The following MYOM3 variants were observed in gnomAD, a reference collection of about 807,000 sequenced individuals.
MYOM3 encodes the protein myomesin-3.
A neutral mutation model predicts 191.7 loss-of-function variants in MYOM3; 155 were observed. The observed-to-expected ratio is 0.81, with a 90% CI of 0.71 to 0.92. The LOEUF (loss-of-function observed/expected upper bound fraction) is 0.92, where lower values mean the gene tolerates loss of function less well. MYOM3 is among the 40% of genes least tolerant of loss of function. The probability of loss-of-function intolerance (pLI) is 0.00; values close to 1 mark genes in which losing one functional copy is unlikely to be tolerated. For synonymous variants in MYOM3, 757 were observed against 762.9 expected (o/e 0.99, Z 0.13); for missense variants, 1,889 against 1,890.6 (o/e 1.00, Z 0.02).
chr1:24,063,436 G>A lies in MYOM3; in HGVS notation c.3661+56C>T. The A allele has an allele frequency of 6.2e-7, 1 of 1,604,128 alleles. No individual in the cohort carries two copies. The highest frequency in any genetic ancestry group is 8.5e-7 in the Non-Finnish European group (1 of 1,171,028). On this transcript the variant is annotated intron_variant, in intron 31 of 36. Transcript: ENST00000374434. This position sits in a 1 kb window ranked among gnomAD's most constrained non-coding sequence, Gnocchi z 4.5. ...AGCCAAGGCCAGTGTTAGGCTGCTT[G>A]GAGGCTGTTGGGCATCAGGGCAGGG...
rs555822407 is a variant in MYOM3, at chr1:24,064,163, G to T, written c.3535-4C>A. The T allele has an allele frequency of 5.0e-6, 8 of 1,612,296 alleles. No homozygotes were observed. In the African/African-American group the frequency reaches 9.3e-5, roughly 19 times the overall value. ...TTCCCTTGTCCTTTTTGGACAACTG[G>T]AAAGAAGGATGAGCGATGGTGGTGT... On this transcript the variant is annotated splice_region_variant and splice_polypyrimidine_tract_variant and intron_variant, in intron 29 of 36. Transcript: ENST00000374434.
At chr1:24,092,074 G>T in intron 11 of MYOM3, 100 bp downstream of exon 11, 1 of 1,192,986 alleles carries the variant, frequency 8.4e-7, no homozygotes, top group Non-Finnish European at 1.1e-6. Flanking sequence ...GGGTGTGAGG[G>T]TTCTCTGAGG....
rs762543966 is a variant in MYOM3 at position 24,086,699 on chromosome 1, A to G, written c.1743T>C (p.Tyr581=). 4 of 1,613,986 alleles carry G rather than the reference A, an allele frequency of 2.5e-6. No individual in the cohort carries two copies. The highest frequency in any genetic ancestry group is 1.1e-5 in the South Asian group (1 of 91,082). ...YVFRVRAMNQ[Y]GLSDPSEPSE... ...TGGGCTCCGAGGGATCGCTCAGGCC[A>G]TACTGGTTCATTGCTCGCACTCTGA... The change falls in exon 15 of 37, where the codon TAT becomes TAC. Residue 581 remains tyrosine (Y), a synonymous_variant. Transcript: ENST00000374434.
intron 33 of MYOM3, 54 bp downstream of exon 33, chr1:24,061,892 T>C: frequency 6.2e-7 from 1 of 1,602,022 alleles, no homozygotes; most frequent in Non-Finnish European, 8.5e-7. Flanking sequence ...GTGCCCAGAC[T>C]GTCCATGGGA....
At chr1:24,068,178 C>T (rs1179301504) in intron 26 of MYOM3, 45 bp downstream of exon 26, 1 of 1,402,846 alleles carries the variant, frequency 7.1e-7, no homozygotes, top group South Asian at 1.2e-5. Flanking sequence ...GTGTGCGGGG[C>T]AGGGCGGGGC....
intron 25 of MYOM3, among the ~76,000 whole-genome samples, chr1:24,070,293 ACCAG>A (rs897174063): frequency 6.6e-6 from 1 of 152,236 alleles, no homozygotes; most frequent in African/African-American, 2.4e-5. Flanking sequence ...AGGTAAAGTA[ACCAG>A]CAGAATAAAA....
intron 23 of MYOM3, among the ~76,000 whole-genome samples, chr1:24,073,861 T>TAAAAAAA (rs55682709): frequency 1.2e-5 from 1 of 81,512 alleles, no homozygotes; most frequent in African/African-American, 5.0e-5. Flanking sequence ...AGACTCCGTC[T>TAAAAAAA]AAAAAAAAAA....
chr1:24,071,358 C>G, intron 24 of MYOM3, 105 bp from the exon 25 acceptor site: 1 of 1,365,644 alleles, frequency 7.3e-7, no homozygotes, highest in Non-Finnish European at 9.9e-7. Flanking sequence ...CATGCAAAAC[C>G]TTTAGAGAAC....
Position 24,095,483 on chromosome 1 carries a change from TAAGCTGAAAAACCA to T in MYOM3, c.746-11_748del. 6.2e-7 allele frequency: 1 copy of T among 1,612,848 alleles called. No homozygotes were observed. The highest frequency in any genetic ancestry group is 8.5e-7 in the Non-Finnish European group (1 of 1,179,284). ...ATCGAAGCCAGCATCCTTCCCCAGGTAAGCTGAAAAACCAAAGGCAAACAGAGTTGGAGAAGGTT... is the reference window on the plus strand; with the variant it reads ...ATCGAAGCCAGCATCCTTCCCCAGGTAAGGCAAACAGAGTTGGAGAAGGTT... On this transcript the variant is annotated splice_acceptor_variant and splice_polypyrimidine_tract_variant and coding_sequence_variant and intron_variant, in exon 8 of 37. Transcript: ENST00000374434. LOFTEE classifies it high-confidence loss of function.
rs781603509 is a variant in MYOM3, at chr1:24,089,521, G to A, written c.1614+17C>T. The A allele has an allele frequency of 1.6e-5, 25 of 1,590,086 alleles. No homozygotes were observed. The Admixed American group carries it at 4.2e-4, about 27-fold the overall frequency. ...TTTCTCAGGCTGGCCTGGGGCTGGG[G>A]CCTCGGGGTTCCCTACCTTCTCCAG... On this transcript the variant is annotated intron_variant, in intron 14 of 36. Coordinates refer to ENST00000374434, the MANE Select transcript of MYOM3 (RefSeq NM_152372.4).
rs1446098611 is a variant in MYOM3 at position 24,076,216 on chromosome 1, C to G, written c.2644G>C (p.Ala882Pro). The G allele has an allele frequency of 2.7e-5, 44 of 1,614,098 alleles. No homozygotes were observed. Among genetic ancestry groups the G allele is most frequent in the African/African-American group, 4.0e-5 (3 of 74,940 alleles). The change falls in exon 21 of 37, where the codon GCT becomes CCT. Residue 882 changes from alanine (A) to proline (P), a missense_variant. Transcript: ENST00000374434. ...GGCATGGACGGTTGCCCCAGACCAG[C>G]TGAATTCATGGCCTGTACCTGGAAC... Reference protein sequence around the residue: ...YVFQVQAMNSAGLGQPSMPTD... With the variant: ...YVFQVQAMNSPGLGQPSMPTD...
chr1:24,064,821 CTT>C (rs1396897878), intron 29 of MYOM3, among the ~76,000 whole-genome samples: 3 of 152,174 alleles, frequency 2.0e-5, no homozygotes. Context: ...AGAGGCAGCT[CTT>C]AACCTGAGGA....
In MYOM3 at chr1:24,108,617, A is replaced by G. The variant is rs1307383661; in HGVS notation, c.20T>C (p.Leu7Ser). 1.3e-6 allele frequency: 2 copies of G among 1,565,016 alleles called. No homozygotes were observed. The highest frequency in any genetic ancestry group is 2.0e-5 in the Admixed American group (1 of 50,956). Residue 7 changes from leucine to serine, a missense_variant, in exon 2 of 37, where the codon TTG becomes TCG. Leu to Ser is a moderately radical substitution (Grantham distance 145, BLOSUM62 -2). Coordinates refer to ENST00000374434, the MANE Select transcript of MYOM3 (RefSeq NM_152372.4). ...GGGCCGGGGGTCCCCCGCACCTCCC[A>G]AGCTGTGCGGCAGAGTCATGGTTAC... is the stretch of plus-strand genomic sequence containing the variant. MTLPHS[L>S]GGAGDPRPPQ... is the part of the protein sequence containing the mutation.
intron 5 of MYOM3, among the ~76,000 whole-genome samples, chr1:24,100,312 G>A (rs1330606189): frequency 6.6e-6 from 1 of 152,140 alleles, no homozygotes; most frequent in East Asian, 1.9e-4. Flanking sequence ...AAATGGGATG[G>A]GCTTATAAAG....
intron 5 of MYOM3, among the ~76,000 whole-genome samples, chr1:24,101,808 G>A (rs1008223472): frequency 3.3e-5 from 5 of 152,184 alleles, no homozygotes; most frequent in Non-Finnish European, 5.9e-5. Flanking sequence ...GTAGTCAAGC[G>A]ATTGCCCTGC....
rs141475663 is a variant in MYOM3 at position 24,062,913 on chromosome 1, T to C, written c.3770+213A>G. Among the ~76,000 whole-genome samples, 477 of 152,270 alleles carry C rather than the reference T, an allele frequency of 3.1e-3. 5 individuals carry two copies. Among genetic ancestry groups the C allele is most frequent in the Non-Finnish European group, 3.4e-3 (232 of 68,020 alleles). ...GGGGATCTCGGCAAAGCCTTTCTACTCCTCCCACTGCTAATCTCTATCCTC... is the reference window on the plus strand; with the variant it reads ...GGGGATCTCGGCAAAGCCTTTCTACCCCTCCCACTGCTAATCTCTATCCTC... On this transcript the variant is annotated intron_variant, in intron 32 of 36. Transcript: ENST00000374434.
chr1:24,086,876 C>T, intron 14 of MYOM3, 49 bp from the exon 15 acceptor site: 1 of 1,572,288 alleles, frequency 6.4e-7, no homozygotes, highest in African/African-American at 1.3e-5. Context: ...CCCAGACCGG[C>T]TCTGTGCTGG....
intron 36 of MYOM3, 61 bp downstream of exon 36, chr1:24,058,862 TG>T: frequency 8.3e-7 from 1 of 1,203,826 alleles, no homozygotes; most frequent in Non-Finnish European, 1.2e-6. Flanking sequence ...TCGTGATCTG[TG>T]GTGGATGCAC....
chr1:24,103,348 A>C (rs1427224413), intron 5 of MYOM3, among the ~76,000 whole-genome samples: 2 of 152,184 alleles, frequency 1.3e-5, no homozygotes, highest in Non-Finnish European at 2.9e-5. Flanking sequence ...TTTTTGGAAT[A>C]AATGCCAGCT....
Sources: gnomAD v4.1 joint callset for allele counts (sites outside exome capture counted in the v4.1 genomes callset) on GRCh38, gnomAD v4.1.1 for gene constraint, Gnocchi (gnomAD v3.1) non-coding constraint, MANE v1.5 for transcripts, NCBI Gene and HGNC (gene_info 2026-07-23, HGNC 2026-07-21) for gene names.